Variants in RNF24 observed in about 807,000 individuals in gnomAD.
The protein encoded by RNF24 is ring finger protein 24.
In RNF24, 14 loss-of-function variants were observed where a neutral mutation model predicts 20.0. That is an observed-to-expected ratio of 0.70 (90% CI 0.46 to 1.10). The LOEUF is 1.10. Ranked by LOEUF, RNF24 falls within the 50% of genes least tolerant of loss-of-function variation. RNF24 has a pLI of 0.00. For missense variants in RNF24, 124 were observed against 177.6 expected, an observed-to-expected ratio of 0.70 and a Z score of 1.71; for synonymous variants, 45 against 61.1, an observed-to-expected ratio of 0.74 and a Z score of 1.23.
intron 2 of RNF24, among the ~76,000 whole-genome samples, chr20:3,948,872 T>C (rs1414716682): frequency 6.6e-6 from 1 of 152,244 alleles, no homozygotes; most frequent in Non-Finnish European, 1.5e-5. Flanking sequence ...TTCTTCCATA[T>C]TGTTGTAGTA....
chr20:3,970,096 C>A (rs2091299335), intron 1 of RNF24, among the ~76,000 whole-genome samples: 1 of 152,114 alleles, frequency 6.6e-6, no homozygotes, highest in South Asian at 2.1e-4. Context: ...TGACTATACT[C>A]CTCCTCAATG....
intron 1 of RNF24, among the ~76,000 whole-genome samples, chr20:3,989,230 G>C (rs915136616): frequency 2.6e-5 from 4 of 152,138 alleles, no homozygotes; most frequent in Admixed American, 6.6e-5. Context: ...GGTGGCTCAC[G>C]CCTGTAATCC....
At chr20:3,943,709 T>C (rs1328617537) in intron 4 of RNF24, among the ~76,000 whole-genome samples, 1 of 152,174 alleles carries the variant, frequency 6.6e-6, no homozygotes, top group Non-Finnish European at 1.5e-5. Context: ...TACATACTGA[T>C]GCAACACACA....
At chr20:3,942,120 C>T (rs989010848) in intron 4 of RNF24, among the ~76,000 whole-genome samples, 5 of 150,608 alleles carry the variant, frequency 3.3e-5, no homozygotes, top group Non-Finnish European at 7.4e-5. Flanking sequence ...AATACACATA[C>T]CATGCAAACA....
chr20:3,972,654 A>G (rs1978452359), intron 1 of RNF24, among the ~76,000 whole-genome samples: 1 of 151,994 alleles, frequency 6.6e-6, no homozygotes, highest in South Asian at 2.1e-4. Context: ...TAATCCCAGC[A>G]CTGTGGAGGG....
At position 3,935,048 on chromosome 20, in the gene RNF24, A is replaced by T. The variant is rs760550791; in HGVS notation, c.254T>A (p.Phe85Tyr). ...AATCCCCAACTCATCTCGAGGCTTG[A>T]AGTCTTCTAGGCACACTGCACAGAG... ...HELCAVCLEDFKPRDELGICP... is the reference protein window; with the variant it reads ...HELCAVCLEDYKPRDELGICP... The change falls in exon 5 of 6, where the codon TTC becomes TAC. Residue 85 changes from phenylalanine (F) to tyrosine (Y), a missense_variant. Physicochemically the swap from Phe to Tyr is conservative, Grantham distance 22 (BLOSUM62 3). Coordinates refer to ENST00000358395, the MANE Select transcript of RNF24 (RefSeq NM_001134337.3). 3 of 1,613,922 alleles carry T rather than the reference A, an allele frequency of 1.9e-6. No individual in the cohort carries two copies. In the African/African-American group the frequency reaches 4.0e-5, roughly 22 times the overall value.
intron 2 of RNF24, among the ~76,000 whole-genome samples, chr20:3,956,276 T>A (rs1297465823): frequency 6.6e-6 from 1 of 151,404 alleles, no homozygotes; most frequent in Admixed American, 6.6e-5. Flanking sequence ...TTTTTTTTTT[T>A]AATAAATGCC....
rs1286267641 is a variant in RNF24, at chr20:4,003,689, A to G, written c.-8+11748T>C. On this transcript the variant is annotated intron_variant, in intron 1 of 5. Transcript: ENST00000358395. ...ACAGAGTCTCACTCTATTGCCCAGG[A>G]TGGAGTGCAATGGCGTGATCTCGGC... Among the ~76,000 whole-genome samples the G allele has an allele frequency of 1.2e-4, 14 of 118,334 alleles. No individual in the cohort carries two copies. The Admixed American group carries it at 1.7e-3, about 14-fold the overall frequency. The allele number at this position is 118,334 out of a possible 152,430, so 77.6% of individuals were successfully genotyped here.
chr20:3,982,578 CAA>C (rs755663389), intron 1 of RNF24, among the ~76,000 whole-genome samples: 11 of 104,962 alleles, frequency 1.0e-4, no homozygotes, highest in Admixed American at 3.0e-4. Flanking sequence ...GACTCTGTCT[CAA>C]AAAAAAAAAA....
At chr20:3,980,606 C>G (rs6037708) in intron 1 of RNF24, among the ~76,000 whole-genome samples, 21,779 of 152,006 alleles carry the variant, frequency 0.14, 1,697 homozygotes, top group Non-Finnish European at 0.17. Flanking sequence ...AAAATAAGGG[C>G]GAACTACTGT....
intron 4 of RNF24, among the ~76,000 whole-genome samples, chr20:3,937,513 C>A (rs1204228362): frequency 6.6e-6 from 1 of 152,100 alleles, no homozygotes; most frequent in Non-Finnish European, 1.5e-5. Flanking sequence ...TATATATGTG[C>A]AGCCATCTTT....
chr20:4,002,040 C>T (rs1287268732), intron 1 of RNF24, among the ~76,000 whole-genome samples: 1 of 152,016 alleles, frequency 6.6e-6, no homozygotes. Flanking sequence ...ATCAGGAGGT[C>T]AGGAGATCGA....
At chr20:3,994,645 G>C (rs1324002628) in intron 1 of RNF24, among the ~76,000 whole-genome samples, 1 of 152,140 alleles carries the variant, frequency 6.6e-6, no homozygotes, top group Admixed American at 6.6e-5. Context: ...AAACCCCTGG[G>C]AAAGGTGACG....
intron 1 of RNF24, among the ~76,000 whole-genome samples, chr20:3,984,785 C>T (rs957602698): frequency 3.4e-4 from 51 of 151,522 alleles, no homozygotes; most frequent in Middle Eastern, 3.4e-3. Context: ...GATAACTCTT[C>T]TTTCTTTCAA....
intron 1 of RNF24, among the ~76,000 whole-genome samples, chr20:3,995,999 A>G (rs923008664): frequency 3.9e-5 from 6 of 152,160 alleles, no homozygotes; most frequent in African/African-American, 1.4e-4. Flanking sequence ...AAGCGCTATT[A>G]TTCTGGTTTT....
rs1202216949 is a variant in RNF24 at position 3,929,854 on chromosome 20, A to G, written c.*4209T>C. The G allele has an allele frequency of 1.3e-5, 2 of 152,268 alleles. No individual in the cohort carries two copies. The highest frequency in any genetic ancestry group is 6.5e-5 in the Admixed American group (1 of 15,286). The allele number at this position is 152,268 out of a possible 1,614,324, so 9.4% of individuals were successfully genotyped here. ...TTGTACAGAAAACTAAAATTTCAGT[A>G]TGTTGCAATAAAATGAAAATATGTC... On this transcript the variant is annotated 3_prime_UTR_variant, in exon 6 of 6. Coordinates refer to ENST00000358395, the MANE Select transcript of RNF24 (RefSeq NM_001134337.3).
intron 1 of RNF24, among the ~76,000 whole-genome samples, chr20:3,992,212 G>T (rs1980505646): frequency 6.6e-6 from 1 of 152,122 alleles, no homozygotes; most frequent in African/African-American, 2.4e-5. Context: ...GACTTCACTA[G>T]GAAATCTTCC....
At chr20:3,975,939 AC>A (rs1978833009) in intron 1 of RNF24, among the ~76,000 whole-genome samples, 1 of 151,896 alleles carries the variant, frequency 6.6e-6, no homozygotes, top group Admixed American at 6.6e-5. Flanking sequence ...GGAGTGCACC[AC>A]CATGCTCTGT....
intron 1 of RNF24, among the ~76,000 whole-genome samples, chr20:3,991,085 G>A (rs1035749105): frequency 6.6e-6 from 1 of 152,068 alleles, no homozygotes; most frequent in Non-Finnish European, 1.5e-5. Flanking sequence ...TTGAGCCTCT[G>A]ACAGGGCTGG....
Sources: gnomAD v4.1 joint callset for allele counts (sites outside exome capture counted in the v4.1 genomes callset) on GRCh38, gnomAD v4.1.1 for gene constraint, MANE v1.5 for transcripts, NCBI Gene and HGNC (gene_info 2026-07-23, HGNC 2026-07-21) for gene names.